CRYL1: variants seen among roughly 807,000 people sequenced by gnomAD.
The protein encoded by CRYL1 is lambda-crystallin homolog.
In CRYL1, 29 loss-of-function variants were observed where a neutral mutation model predicts 36.6. That is an observed-to-expected ratio of 0.79 (90% CI 0.59 to 1.08). CRYL1 has a LOEUF of 1.08. Among genes scored for constraint, CRYL1 ranks in the 50% least tolerant of loss-of-function variants. The pLI is 0.00. For synonymous variants in CRYL1, 152 were observed against 151.5 expected, an observed-to-expected ratio of 1.00 and a Z score of -0.02; for missense variants, 411 against 407.9, an observed-to-expected ratio of 1.01 and a Z score of -0.06.
At position 20,434,016 on chromosome 13, in the gene CRYL1, A is replaced by G. The variant is rs1409001947; in HGVS notation, c.439-1720T>C. ...AGCCTCACCCTGGCCCACATCTGCA[A>G]CTGAGTGCTGGACGCCTTCCCTTGG... is the stretch of plus-strand genomic sequence containing the variant. On this transcript the variant is annotated intron_variant, in intron 4 of 7. Transcript: ENST00000298248. 2.0e-5 allele frequency among the ~76,000 whole-genome samples: 3 copies of G among 152,248 alleles called. No individual in the cohort carries two copies. In the East Asian group the frequency reaches 5.8e-4, roughly 29 times the overall value.
rs181069147 is a variant in CRYL1, at chr13:20,458,924, G to A, written c.277-19170C>T. The stretch of plus-strand genomic sequence containing the variant: ...AAAAACATTTTAAAATACAGACATT[G>A]GGAATACTTATACACTGCTGGTGGT... On this transcript the variant is annotated intron_variant, in intron 3 of 7. Transcript: ENST00000298248. Among the ~76,000 whole-genome samples the A allele has an allele frequency of 3.6e-3, 551 of 152,266 alleles. 3 individuals are homozygous for A. The highest frequency in any genetic ancestry group is 0.012 in the African/African-American group (510 of 41,550).
At chr13:20,404,892 G>A in intron 6 of CRYL1, 151 bp from the exon 7 acceptor site, 2 of 624,326 alleles carry the variant, frequency 3.2e-6, no homozygotes, top group Non-Finnish European at 5.7e-6. Context: ...GCTGGGGCAT[G>A]TGTAAGGGCC....
At chr13:20,480,811 C>G (rs890843783) in intron 3 of CRYL1, among the ~76,000 whole-genome samples, 6 of 152,226 alleles carry the variant, frequency 3.9e-5, no homozygotes, top group African/African-American at 1.4e-4. Context: ...TCTTCTAAGA[C>G]TTTATTTTAC....
intron 6 of CRYL1, among the ~76,000 whole-genome samples, chr13:20,411,776 C>G (rs115784454): frequency 6.6e-6 from 1 of 152,142 alleles, no homozygotes; most frequent in African/African-American, 2.4e-5. Context: ...CTAACACACA[C>G]GTGCTGGAGC....
chr13:20,521,462 T>TTGGG (rs2034097554), intron 1 of CRYL1, among the ~76,000 whole-genome samples: 7 of 152,210 alleles, frequency 4.6e-5, no homozygotes, highest in Admixed American at 4.6e-4. Flanking sequence ...TCCCCAATAC[T>TTGGG]ACCTTACATC....
Position 20,415,422 on chromosome 13 carries a change from C to G in CRYL1, c.634-2035G>C, listed in dbSNP as rs1463281449. ...GGGCGACAGCCAGGTGCCTCAGGTCCGTGTGCTGGCTTGGACACCGCCCTG... is the reference window on the plus strand; with the variant it reads ...GGGCGACAGCCAGGTGCCTCAGGTCGGTGTGCTGGCTTGGACACCGCCCTG... On this transcript the variant is annotated intron_variant, in intron 5 of 7. Coordinates refer to ENST00000298248, the MANE Select transcript of CRYL1 (RefSeq NM_015974.3). The surrounding 1 kb of genome is among the most constrained non-coding windows in gnomAD (Gnocchi z 4.1). 1.3e-5 allele frequency among the ~76,000 whole-genome samples: 2 copies of G among 152,104 alleles called. No homozygotes were observed. The highest frequency in any genetic ancestry group is 2.4e-5 in the African/African-American group (1 of 41,438).
chr13:20,477,362 T>TAA (rs1363058036), intron 3 of CRYL1, among the ~76,000 whole-genome samples: 1 of 151,422 alleles, frequency 6.6e-6, no homozygotes, highest in Non-Finnish European at 1.5e-5. Context: ...TATATATATA[T>TAA]AATATTTGTA....
intron 3 of CRYL1, among the ~76,000 whole-genome samples, chr13:20,470,672 G>T (rs143969994): frequency 0.028 from 4,264 of 152,182 alleles, 131 homozygotes; most frequent in African/African-American, 0.079. Flanking sequence ...ACTTTGGGAG[G>T]CCGAGGCAGG....
Position 20,525,733 on chromosome 13 carries a change from G to A in CRYL1, c.41+21C>T. The A allele has an allele frequency of 7.4e-7, 1 of 1,348,828 alleles. No individual in the cohort carries two copies. The highest frequency in any genetic ancestry group is 9.6e-7 in the Non-Finnish European group (1 of 1,045,682). The allele number at this position is 1,348,828 out of a possible 1,614,324, so 83.6% of individuals were successfully genotyped here. Reference sequence around the variant, plus strand: ...GTCTCCCCGGGCTCCAGGGGCAGCAGCGCGGCTCGGAGCCCTTTACCTGCC... The same window carrying A: ...GTCTCCCCGGGCTCCAGGGGCAGCAACGCGGCTCGGAGCCCTTTACCTGCC... On this transcript the variant is annotated intron_variant, in intron 1 of 7. Transcript: ENST00000298248. The surrounding 1 kb of genome is among the most constrained non-coding windows in gnomAD (Gnocchi z 4.3).
rs9552181 is a variant in CRYL1 at position 20,439,281 on chromosome 13, G to A, written c.438+312C>T. Among the ~76,000 whole-genome samples, 36,530 of 151,876 alleles carry A rather than the reference G, an allele frequency of 0.24. 4,674 individuals carry two copies. Among genetic ancestry groups the A allele is most frequent in the East Asian group, 0.4 (2,076 of 5,178 alleles). ...AGCTACACAGTTACTTGGGGGTGAAGGCCTCAAAGCAGTCCTCACTCTATT... is the reference window on the plus strand; with the variant it reads ...AGCTACACAGTTACTTGGGGGTGAAAGCCTCAAAGCAGTCCTCACTCTATT... On this transcript the variant is annotated intron_variant, in intron 4 of 7. Coordinates refer to ENST00000298248, the MANE Select transcript of CRYL1 (RefSeq NM_015974.3).
At chr13:20,508,871 A>AAAAAAC (rs1565988302) in intron 2 of CRYL1, among the ~76,000 whole-genome samples, 4 of 14,304 alleles carry the variant, frequency 2.8e-4, no homozygotes, top group African/African-American at 4.8e-4. Context: ...AAAAAAAAAA[A>AAAAAAC]AAAACAAAAA....
chr13:20,456,111 C>T (rs190956018), intron 3 of CRYL1, among the ~76,000 whole-genome samples: 1 of 152,280 alleles, frequency 6.6e-6, no homozygotes, highest in East Asian at 1.9e-4. Context: ...CATACATGTA[C>T]AATTTTAAAC....
At chr13:20,503,436 G>A (rs1340437598) in intron 2 of CRYL1, among the ~76,000 whole-genome samples, 3 of 152,190 alleles carry the variant, frequency 2.0e-5, no homozygotes, top group Non-Finnish European at 4.4e-5. Flanking sequence ...GTGCTGTGCT[G>A]GATGGTGCTG....
At chr13:20,452,378 C>A (rs1234417309) in intron 3 of CRYL1, among the ~76,000 whole-genome samples, 3 of 151,912 alleles carry the variant, frequency 2.0e-5, no homozygotes, top group Non-Finnish European at 4.4e-5. Flanking sequence ...CTAAAGAAAC[C>A]TGCTGTTGCT....
chr13:20,416,028 C>T (rs77871714), intron 5 of CRYL1, among the ~76,000 whole-genome samples: 6,344 of 152,242 alleles, frequency 0.042, 363 homozygotes, highest in African/African-American at 0.11. Context: ...GCCCGGGCCG[C>T]GGCTGGGGCC....
At chr13:20,452,470 G>A (rs1285170190) in intron 3 of CRYL1, among the ~76,000 whole-genome samples, 1 of 152,080 alleles carries the variant, frequency 6.6e-6, no homozygotes, top group Admixed American at 6.6e-5. Context: ...CACTAAACGG[G>A]TCAATTTTCC....
intron 3 of CRYL1, among the ~76,000 whole-genome samples, chr13:20,453,275 G>A (rs1393951562): frequency 6.6e-6 from 1 of 152,118 alleles, no homozygotes; most frequent in Non-Finnish European, 1.5e-5. Flanking sequence ...GAATTGAAGT[G>A]GAAGTCTATG....
chr13:20,416,323 G>A (rs553231361), intron 5 of CRYL1, among the ~76,000 whole-genome samples: 1 of 152,316 alleles, frequency 6.6e-6, no homozygotes, highest in South Asian at 2.1e-4. Context: ...ACGGGTCGGG[G>A]CATCACGGGG....
intron 2 of CRYL1, among the ~76,000 whole-genome samples, chr13:20,502,964 G>T (rs1441407522): frequency 6.6e-6 from 1 of 152,154 alleles, no homozygotes; most frequent in Non-Finnish European, 1.5e-5. Flanking sequence ...CATTGGTCTA[G>T]ATGCACAGCA....
Sources: allele counts gnomAD v4.1 joint callset (sites outside exome capture counted in the v4.1 genomes callset), GRCh38; gene constraint gnomAD v4.1.1; non-coding constraint Gnocchi (gnomAD v3.1); transcripts MANE v1.5; gene names NCBI Gene and HGNC (gene_info 2026-07-23, HGNC 2026-07-21).